DDB1: variants seen among roughly 807,000 people sequenced by gnomAD.
DDB1 encodes damage specific DNA binding protein 1.
A neutral mutation model predicts 133.1 loss-of-function variants in DDB1; 18 were observed. That is an observed-to-expected ratio of 0.14 (90% CI 0.09 to 0.20). The LOEUF is 0.20. DDB1 is among the 10% of genes least tolerant of loss of function. The pLI is 1.00. For synonymous variants in DDB1, 580 were observed against 550.5 expected, an observed-to-expected ratio of 1.05 and a Z score of -0.75; for missense variants, 828 against 1,459.2, an observed-to-expected ratio of 0.57 and a Z score of 7.05.
intron 5 of DDB1, chr11:61,326,328 T>G (rs1003338959): frequency 9.3e-5 from 21 of 226,070 alleles, no homozygotes; most frequent in African/African-American, 1.5e-4. Context: ...TGTTGTTGTT[T>G]TTTTTTTTAA....
chr11:61,302,346 T>C lies in DDB1; in HGVS notation c.3126A>G (p.Ser1042=), dbSNP rs772412053. The change falls in exon 25 of 27, where the codon TCA becomes TCG. Residue 1042 remains serine (S), a synonymous_variant. Transcript: ENST00000301764. ...TVNGMIGLVT[S]LSESWYNLLL... is the part of the protein sequence containing the mutation. ...GGAGGTTGTACCAGCTCTCTGACAG[T>C]GAGGTCACCAGCCCTGAAGAAGTGA... is the stretch of plus-strand genomic sequence containing the variant. 1 of 1,614,134 alleles carries C rather than the reference T, an allele frequency of 6.2e-7. No homozygotes were observed.
chr11:61,303,749 C>T, intron 22 of DDB1, 116 bp downstream of exon 22: 1 of 1,045,466 alleles, frequency 9.6e-7, no homozygotes, highest in Non-Finnish European at 1.4e-6. Flanking sequence ...AATGTCTGCT[C>T]CGGGGAAAAC....
intron 18 of DDB1, 199 bp from the exon 19 acceptor site, chr11:61,310,617 T>C (rs1006463077): frequency 3.6e-5 from 18 of 505,344 alleles, no homozygotes; most frequent in Non-Finnish European, 6.0e-5. Context: ...AGTAAAAATC[T>C]AAGGGTCATT....
chr11:61,308,897 A>C, intron 21 of DDB1, 86 bp downstream of exon 21: 1 of 1,284,642 alleles, frequency 7.8e-7, no homozygotes, highest in Non-Finnish European at 1.1e-6. Context: ...TCTGACACAC[A>C]CGTGGCCCCA....
intron 10 of DDB1, 141 bp from the exon 11 acceptor site, chr11:61,316,708 A>G (rs12289370): frequency 0.063 from 55,126 of 873,222 alleles, 11,678 homozygotes; most frequent in African/African-American, 0.59. Context: ...GACTGCTTGG[A>G]ACCAGGAGTT....
chr11:61,310,414 A>T lies in DDB1; in HGVS notation c.2282T>A (p.Leu761Gln). 1 of 1,598,624 alleles carries T rather than the reference A, an allele frequency of 6.3e-7. No homozygotes were observed. The highest frequency in any genetic ancestry group is 8.5e-7 in the Non-Finnish European group (1 of 1,174,322). ...CTTGCTGGAGCTTACACTGCTGGACAGAGCCTGCAAACAGAGAGAATGCAC... is the reference window on the plus strand; with the variant it reads ...CTTGCTGGAGCTTACACTGCTGGACTGAGCCTGCAAACAGAGAGAATGCAC... ...ALRPSASTQA[L>Q]SSSVSSSKLF... Residue 761 changes from leucine (L) to glutamine (Q), a missense_variant, in exon 19 of 27, where the codon CTG becomes CAG. By Grantham distance (113) the Leu-to-Gln change is moderately radical. This residue lies in a region of DDB1 where 396 missense variants were observed against 554.1 expected (regional missense o/e 0.71). Coordinates refer to ENST00000301764, the MANE Select transcript of DDB1 (RefSeq NM_001923.5).
intron 10 of DDB1, 37 bp downstream of exon 10, chr11:61,321,558 T>G: frequency 6.3e-7 from 1 of 1,596,918 alleles, no homozygotes. Context: ...AAGTCCCTCA[T>G]GTAAGATCTA....
At position 61,313,711 on chromosome 11, in the gene DDB1, A is replaced by G; in HGVS notation, c.1862-5T>C. ...TCTTACGGTCGCTCAACAGACCTAC[A>G]GAGAGAATGACATCAGGAGAAAGGA... On this transcript the variant is annotated splice_polypyrimidine_tract_variant and splice_region_variant and intron_variant, in intron 15 of 26. Transcript: ENST00000301764. The G allele has an allele frequency of 5.0e-6, 8 of 1,603,364 alleles. No individual in the cohort carries two copies. Among genetic ancestry groups the G allele is most frequent in the Non-Finnish European group, 6.8e-6 (8 of 1,174,512 alleles).
chr11:61,322,415 A>C lies in DDB1; in HGVS notation c.1006-3T>G. 6.2e-7 allele frequency: 1 copy of C among 1,607,526 alleles called. No individual in the cohort carries two copies. Among genetic ancestry groups the C allele is most frequent in the South Asian group, 1.1e-5 (1 of 90,966 alleles). On this transcript the variant is annotated splice_polypyrimidine_tract_variant and splice_region_variant and intron_variant, in intron 8 of 26. Coordinates refer to ENST00000301764, the MANE Select transcript of DDB1 (RefSeq NM_001923.5). ...TGTTCATTACTGTCAACGTTGAGCTAATAAGAAAGAACAATGTTATGTTAG... is the reference window on the plus strand; with the variant it reads ...TGTTCATTACTGTCAACGTTGAGCTCATAAGAAAGAACAATGTTATGTTAG...
At chr11:61,317,692 G>C (rs768603555) in intron 10 of DDB1, among the ~76,000 whole-genome samples, 1 of 151,666 alleles carries the variant, frequency 6.6e-6, no homozygotes, top group African/African-American at 2.4e-5. Context: ...ATTTTTAGTA[G>C]AGACAGGATT....
chr11:61,303,286 G>A, intron 22 of DDB1, 131 bp from the exon 23 acceptor site: 1 of 805,064 alleles, frequency 1.2e-6, no homozygotes, highest in Non-Finnish European at 2.0e-6. Context: ...TGTTCAACAA[G>A]TGTCACCCTA....
chr11:61,301,155 TA>T (rs2134889692), intron 25 of DDB1: 2 of 585,572 alleles, frequency 3.4e-6, no homozygotes, highest in Non-Finnish European at 5.8e-6. Context: ...AAATAGTTTT[TA>T]AAAGTACAGA....
At chr11:61,316,980 T>TAG (rs1856093680) in intron 10 of DDB1, among the ~76,000 whole-genome samples, 3 of 68,380 alleles carry the variant, frequency 4.4e-5, no homozygotes, top group Non-Finnish European at 1.1e-4. Flanking sequence ...TATATATATA[T>TAG]ATATATATAT....
In DDB1 at chr11:61,303,853, C is replaced by G. The variant is rs780132287; in HGVS notation, c.2832+12G>C. On this transcript the variant is annotated intron_variant, in intron 22 of 26. Coordinates refer to ENST00000301764, the MANE Select transcript of DDB1 (RefSeq NM_001923.5). ...AGCAAGAAGTCTGCTCGCATCCCCC[C>G]ACCAGCATCACCTCTTCAAAGTTTC... 71 of 1,613,474 alleles carry G rather than the reference C, an allele frequency of 4.4e-5. No individual in the cohort carries two copies. Among genetic ancestry groups the G allele is most frequent in the Non-Finnish European group, 5.7e-5 (67 of 1,179,814 alleles).
chr11:61,303,332 C>T (rs1855829915), intron 22 of DDB1, 177 bp from the exon 23 acceptor site: 1 of 577,770 alleles, frequency 1.7e-6, no homozygotes, highest in African/African-American at 1.9e-5. Flanking sequence ...CAACGCAGCC[C>T]ATTTGGTTGC....
rs1244904000 is a variant in DDB1, at chr11:61,300,796, C to T, written c.3339+13G>A. 3.7e-6 allele frequency: 6 copies of T among 1,614,090 alleles called. No homozygotes were observed. The highest frequency in any genetic ancestry group is 2.7e-5 in the African/African-American group (2 of 75,044). On this transcript the variant is annotated intron_variant, in intron 26 of 26. Transcript: ENST00000301764. ...GACTTGTCTGGCCCAGGGTTAAACA[C>T]CACACAGCTCACCTGTAGGTTTGCC...
chr11:61,312,174 A>AG, intron 16 of DDB1, 90 bp from the exon 17 acceptor site: 1 of 1,124,050 alleles, frequency 8.9e-7, no homozygotes, highest in Non-Finnish European at 1.4e-6. Context: ...AAAACAAGGC[A>AG]GGATTACACC....
intron 21 of DDB1, among the ~76,000 whole-genome samples, chr11:61,305,660 G>A (rs999987060): frequency 1.3e-5 from 2 of 152,066 alleles, no homozygotes; most frequent in African/African-American, 4.8e-5. Flanking sequence ...AGCTCCACAT[G>A]TTCCTGCCAA....
chr11:61,310,278 A>C lies in DDB1; in HGVS notation c.2401+17T>G. The C allele has an allele frequency of 6.2e-7, 1 of 1,600,434 alleles. No homozygotes were observed. Among genetic ancestry groups the C allele is most frequent in the South Asian group, 1.1e-5 (1 of 88,904 alleles). The stretch of plus-strand genomic sequence containing the variant: ...GGGAGGGCGTAGATAAAAATTATCG[A>C]AAGAGCTCATGTGCACCTTCAAAGG... On this transcript the variant is annotated intron_variant, in intron 19 of 26. Transcript: ENST00000301764.
Sources: gnomAD v4.1 joint callset for allele counts (sites outside exome capture counted in the v4.1 genomes callset) on GRCh38, gnomAD v4.1.1 for gene constraint, gnomAD v4.1.1 regional missense constraint, MANE v1.5 for transcripts, NCBI Gene and HGNC (gene_info 2026-07-23, HGNC 2026-07-21) for gene names.